CLASP2: variants seen among roughly 807,000 people sequenced by gnomAD.
CLASP2 encodes cytoplasmic linker associated protein 2.
In CLASP2, 47 loss-of-function variants were observed where a neutral mutation model predicts 194.4. The observed-to-expected ratio is 0.24, with a 90% CI of 0.19 to 0.31. The LOEUF (loss-of-function observed/expected upper bound fraction) is 0.31. Ranked by LOEUF, CLASP2 falls within the 10% of genes least tolerant of loss-of-function variation. The probability of loss-of-function intolerance (pLI) is 1.00; values close to 1 mark genes in which losing one functional copy is unlikely to be tolerated. For synonymous variants in CLASP2, 619 were observed against 633.5 expected, an observed-to-expected ratio of 0.98 and a Z score of 0.34; for missense variants, 1,445 against 1,823.6, an observed-to-expected ratio of 0.79 and a Z score of 3.78.
At chr3:33,573,700 A>G (rs2064244120) in intron 24 of CLASP2, among the ~76,000 whole-genome samples, 1 of 152,164 alleles carries the variant, frequency 6.6e-6, no homozygotes. Flanking sequence ...CAGAAACTAT[A>G]CTAGAAATTT....
chr3:33,573,624 T>C (rs2064227489), intron 24 of CLASP2, among the ~76,000 whole-genome samples: 1 of 152,104 alleles, frequency 6.6e-6, no homozygotes, highest in Non-Finnish European at 1.5e-5. Flanking sequence ...TGGGAAGCGC[T>C]AAAAAATGTG....
At position 33,645,929 on chromosome 3, in the gene CLASP2, TACACACACACAC is replaced by T. The variant is rs60196645; in HGVS notation, c.716-1038_716-1027del. Among the ~76,000 whole-genome samples, 624 of 135,182 alleles carry T rather than the reference TACACACACACAC, an allele frequency of 4.6e-3. 3 individuals carry two copies. Among genetic ancestry groups the T allele is most frequent in the African/African-American group, 0.013 (477 of 36,672 alleles). The allele number at this position is 135,182 out of a possible 152,430, so 88.7% of individuals were successfully genotyped here. A position where few individuals can be genotyped will look rare whatever the true frequency, so the allele number is the denominator to read the frequency against. On this transcript the variant is annotated intron_variant, in intron 7 of 38. Coordinates refer to ENST00000682230, the MANE Select transcript of CLASP2 (RefSeq NM_001365631.1). ...TATGCAAATGAAACATCTCCCAGCA[TACACACACACAC>T]ACACACACACACACACACACACACA...
At chr3:33,513,888 T>A (rs1017078753) in intron 36 of CLASP2, among the ~76,000 whole-genome samples, 1 of 152,242 alleles carries the variant, frequency 6.6e-6, no homozygotes, top group Non-Finnish European at 1.5e-5. Flanking sequence ...TAGTACCTTA[T>A]GAGATACATG....
At chr3:33,544,328 T>C (rs1028070346) in intron 31 of CLASP2, among the ~76,000 whole-genome samples, 5 of 152,320 alleles carry the variant, frequency 3.3e-5, no homozygotes, top group African/African-American at 9.6e-5. Context: ...TCTTATTTGT[T>C]AACCCTGGAA....
At chr3:33,575,652 A>G (rs1031854243) in intron 24 of CLASP2, among the ~76,000 whole-genome samples, 1 of 152,168 alleles carries the variant, frequency 6.6e-6, no homozygotes, top group Non-Finnish European at 1.5e-5. Context: ...GGATCTGTAG[A>G]ATATGTTTTT....
intron 1 of CLASP2, among the ~76,000 whole-genome samples, chr3:33,702,185 C>A (rs1371005345): frequency 6.6e-6 from 1 of 152,078 alleles, no homozygotes; most frequent in African/African-American, 2.4e-5. Flanking sequence ...TCAAAACAAG[C>A]TTGAAAAAGA....
chr3:33,622,338 T>G (rs1222067149), intron 10 of CLASP2, 58 bp from the exon 11 acceptor site: 1 of 1,325,360 alleles, frequency 7.5e-7, no homozygotes, highest in African/African-American at 1.5e-5. Flanking sequence ...AAAAAGAAGC[T>G]ACCTAAACTT....
intron 7 of CLASP2, chr3:33,659,043 A>T (rs1440838158): frequency 6.5e-7 from 1 of 1,534,528 alleles, no homozygotes; most frequent in East Asian, 2.4e-5. Context: ...ACAGCAAATA[A>T]GTACAGCTCA....
At chr3:33,602,445 C>A (rs188139593) in intron 18 of CLASP2, 3 of 693,334 alleles carry the variant, frequency 4.3e-6, no homozygotes, top group Non-Finnish European at 7.9e-6. Context: ...AGAAGAGATA[C>A]GCAAACCAAC....
In CLASP2 at chr3:33,712,784, G is replaced by A. The variant is rs893580962; in HGVS notation, c.195+5024C>T. On this transcript the variant is annotated intron_variant, in intron 1 of 38. Coordinates refer to ENST00000682230, the MANE Select transcript of CLASP2 (RefSeq NM_001365631.1). ...TTGAGACCAGCCTGGCCAACATGACGAAACCCTGTCTCTACTAAAAATACA... is the reference window on the plus strand; with the variant it reads ...TTGAGACCAGCCTGGCCAACATGACAAAACCCTGTCTCTACTAAAAATACA... 2.0e-5 allele frequency among the ~76,000 whole-genome samples: 3 copies of A among 151,816 alleles called. No homozygotes were observed. In the East Asian group the frequency reaches 5.8e-4, roughly 29 times the overall value.
intron 2 of CLASP2, among the ~76,000 whole-genome samples, chr3:33,691,663 G>A (rs1246439249): frequency 6.6e-6 from 1 of 152,136 alleles, no homozygotes; most frequent in Admixed American, 6.5e-5. Context: ...GCCATTATGG[G>A]CTTCTGGTTC....
At chr3:33,687,198 C>A in intron 4 of CLASP2, 63 bp from the exon 5 acceptor site, 1 of 973,954 alleles carries the variant, frequency 1.0e-6, no homozygotes. Flanking sequence ...AACAAAATAT[C>A]CTTATACCTT....
At chr3:33,676,634 T>C (rs1447808923) in intron 6 of CLASP2, among the ~76,000 whole-genome samples, 3 of 152,100 alleles carry the variant, frequency 2.0e-5, no homozygotes, top group Non-Finnish European at 4.4e-5. Context: ...ATTCAGGACA[T>C]AGGCATGGGC....
intron 32 of CLASP2, among the ~76,000 whole-genome samples, chr3:33,542,257 T>A (rs1023446698): frequency 2.6e-5 from 4 of 151,322 alleles, no homozygotes; most frequent in Non-Finnish European, 5.9e-5. Flanking sequence ...GACCAATCTC[T>A]CAGTCAGTCA....
In CLASP2 at chr3:33,590,139, T is replaced by G. The variant is rs116383053; in HGVS notation, c.2068+2256A>C. ...AATGACAATTTTATTAGCCAACATA[T>G]ATAGTGCTTATTCAGGGCTAAGCAA... On this transcript the variant is annotated intron_variant, in intron 21 of 38. Transcript: ENST00000682230. 8.4e-3 allele frequency among the ~76,000 whole-genome samples: 1,274 copies of G among 152,300 alleles called. 20 individuals carry two copies. Among genetic ancestry groups the G allele is most frequent in the African/African-American group, 0.028 (1,153 of 41,558 alleles).
rs1443466410 is a variant in CLASP2, at chr3:33,551,383, T to C, written c.3022A>G (p.Ile1008Val). Residue 1008 changes from isoleucine to valine, a missense_variant, in exon 30 of 39, where the codon ATC becomes GTC. Transcript: ENST00000682230. ...QTPSLKVKVAILKYIETLAKQ... is the reference protein window; with the variant it reads ...QTPSLKVKVAVLKYIETLAKQ... Reference sequence around the variant, plus strand: ...GCCAGAGTTTCTATGTATTTAAGGATAGCAACCTTCACCTGCAGAGGAAAG... The same window carrying C: ...GCCAGAGTTTCTATGTATTTAAGGACAGCAACCTTCACCTGCAGAGGAAAG... 3 of 1,613,332 alleles carry C rather than the reference T, an allele frequency of 1.9e-6. No individual in the cohort carries two copies. The highest frequency in any genetic ancestry group is 2.5e-6 in the Non-Finnish European group (3 of 1,179,598).
chr3:33,679,609 C>G (rs2089447521), intron 6 of CLASP2, among the ~76,000 whole-genome samples: 1 of 152,120 alleles, frequency 6.6e-6, no homozygotes, highest in Non-Finnish European at 1.5e-5. Flanking sequence ...AGAAGATATA[C>G]AGATGGCAAA....
chr3:33,612,454 G>A (rs2075364864), intron 12 of CLASP2, among the ~76,000 whole-genome samples: 1 of 152,142 alleles, frequency 6.6e-6, no homozygotes. Context: ...CATCAAAGCA[G>A]GTAGTCGAGT....
chr3:33,547,171 A>C (rs368585002), intron 30 of CLASP2, among the ~76,000 whole-genome samples: 1 of 152,210 alleles, frequency 6.6e-6, no homozygotes, highest in African/African-American at 2.4e-5. Flanking sequence ...TTATACTCCC[A>C]TAATTCCCAC....
Sources: gnomAD v4.1 joint callset for allele counts (sites outside exome capture counted in the v4.1 genomes callset) on GRCh38, gnomAD v4.1.1 for gene constraint, MANE v1.5 for transcripts, NCBI Gene and HGNC (gene_info 2026-07-23, HGNC 2026-07-21) for gene names.